The following CDK17 variants were observed in gnomAD, a reference collection of about 807,000 sequenced individuals.
CDK17 encodes cyclin dependent kinase 17.
Under a neutral mutation model 77.6 loss-of-function variants are expected in CDK17, and 24 were observed. The ratio of observed to expected loss-of-function variants is 0.31; its 90% CI spans 0.22 to 0.44. The LOEUF (loss-of-function observed/expected upper bound fraction) is 0.44, where lower values mean the gene tolerates loss of function less well. CDK17 is among the 20% of genes least tolerant of loss of function. CDK17 has a pLI of 1.00. For missense variants in CDK17, 429 were observed against 622.5 expected, an observed-to-expected ratio of 0.69 and a Z score of 3.31; for synonymous variants, 203 against 210.4, an observed-to-expected ratio of 0.96 and a Z score of 0.30.
At chr12:96,365,341 G>A (rs1269315180) in intron 1 of CDK17, among the ~76,000 whole-genome samples, 1 of 152,014 alleles carries the variant, frequency 6.6e-6, no homozygotes, top group Non-Finnish European at 1.5e-5. Flanking sequence ...ATTCTATGAA[G>A]TAAAAAAGAT....
At chr12:96,326,013 T>C (rs1565821165) in intron 2 of CDK17, among the ~76,000 whole-genome samples, 1 of 152,256 alleles carries the variant, frequency 6.6e-6, no homozygotes, top group East Asian at 1.9e-4. Flanking sequence ...GGCAAAGTAA[T>C]ACCCTGTCTC....
intron 1 of CDK17, among the ~76,000 whole-genome samples, chr12:96,373,626 A>G (rs1953729618): frequency 6.7e-6 from 1 of 149,880 alleles, no homozygotes; most frequent in Non-Finnish European, 1.5e-5. Context: ...AAAAGAATTA[A>G]CAATTACCTC....
intron 1 of CDK17, among the ~76,000 whole-genome samples, chr12:96,357,501 AC>A (rs1953415477): frequency 6.6e-6 from 1 of 152,158 alleles, no homozygotes; most frequent in Admixed American, 6.5e-5. Context: ...CAATTATTTT[AC>A]ATCTCAGTTA....
intron 1 of CDK17, among the ~76,000 whole-genome samples, chr12:96,379,630 A>C (rs1036714847): frequency 6.6e-6 from 1 of 151,830 alleles, no homozygotes; most frequent in Non-Finnish European, 1.5e-5. Context: ...GGATCTCACT[A>C]TGTTGCCCAG....
chr12:96,367,216 G>A (rs1173754530), intron 1 of CDK17, among the ~76,000 whole-genome samples: 5 of 151,458 alleles, frequency 3.3e-5, no homozygotes, highest in African/African-American at 4.8e-5. Context: ...GTGGTGGCGC[G>A]TGCCTGTAGT....
intron 14 of CDK17, among the ~76,000 whole-genome samples, chr12:96,282,837 A>C (rs1952194432): frequency 6.6e-6 from 1 of 152,206 alleles, no homozygotes; most frequent in Admixed American, 6.5e-5. Flanking sequence ...CTTAAACAAG[A>C]ATTTACATTG....
At chr12:96,353,524 A>C (rs1307030205) in intron 1 of CDK17, among the ~76,000 whole-genome samples, 1 of 147,986 alleles carries the variant, frequency 6.8e-6, no homozygotes, top group Non-Finnish European at 1.5e-5. Context: ...CACTGCCATT[A>C]TTTTGAAATA....
intron 1 of CDK17, among the ~76,000 whole-genome samples, chr12:96,382,759 C>A (rs1351846836): frequency 6.6e-6 from 1 of 152,054 alleles, no homozygotes; most frequent in Non-Finnish European, 1.5e-5. Flanking sequence ...AAACAAAAAG[C>A]ATATCATCTT....
chr12:96,373,812 T>C (rs1953733162), intron 1 of CDK17, among the ~76,000 whole-genome samples: 1 of 151,088 alleles, frequency 6.6e-6, no homozygotes, highest in African/African-American at 2.4e-5. Flanking sequence ...CCCAGCTACT[T>C]AGGAGGCTGG....
intron 10 of CDK17, among the ~76,000 whole-genome samples, chr12:96,291,006 T>C (rs903549650): frequency 9.2e-5 from 14 of 152,080 alleles, no homozygotes; most frequent in African/African-American, 3.1e-4. Flanking sequence ...AGACTTCTGA[T>C]TTTCACTGAT....
At chr12:96,399,942 G>A (rs1039377051) in intron 1 of CDK17, 44 bp downstream of exon 1, 3 of 340,608 alleles carry the variant, frequency 8.8e-6, no homozygotes, top group African/African-American at 2.1e-5. Flanking sequence ...CGGCCGACCC[G>A]ACACCAGGGG....
intron 1 of CDK17, among the ~76,000 whole-genome samples, chr12:96,351,219 CTGTAA>C (rs1953306904): frequency 6.6e-6 from 1 of 151,944 alleles, no homozygotes; most frequent in Non-Finnish European, 1.5e-5. Context: ...ACTGATGCAA[CTGTAA>C]AATGGTGTAG....
At chr12:96,381,439 C>T (rs1330531210) in intron 1 of CDK17, among the ~76,000 whole-genome samples, 5 of 151,028 alleles carry the variant, frequency 3.3e-5, no homozygotes, top group Admixed American at 1.3e-4. Context: ...ATTTCAATTA[C>T]GGAGGCAACT....
At chr12:96,380,937 T>C (rs1282815010) in intron 1 of CDK17, among the ~76,000 whole-genome samples, 1 of 152,152 alleles carries the variant, frequency 6.6e-6, no homozygotes, top group Non-Finnish European at 1.5e-5. Flanking sequence ...TTATCCTACC[T>C]AGGAAGTGGT....
At chr12:96,280,464 G>GT in intron 16 of CDK17, 185 bp from the exon 17 acceptor site, 1 of 1,417,186 alleles carries the variant, frequency 7.1e-7, no homozygotes, top group Non-Finnish European at 9.2e-7. Flanking sequence ...ATGCTTCGAA[G>GT]TGATGAACCT....
chr12:96,316,389 G>C (rs189657040), intron 3 of CDK17, among the ~76,000 whole-genome samples: 1 of 149,744 alleles, frequency 6.7e-6, no homozygotes. Context: ...AGGGGCGCCC[G>C]CCATTGCCCA....
chr12:96,372,147 T>TA (rs1953705743), intron 1 of CDK17, among the ~76,000 whole-genome samples: 1 of 152,142 alleles, frequency 6.6e-6, no homozygotes, highest in Non-Finnish European at 1.5e-5. Flanking sequence ...CTAACACTAT[T>TA]AAAGCCTTTA....
At chr12:96,323,911 C>A in intron 3 of CDK17, 37 bp downstream of exon 3, 1 of 1,474,324 alleles carries the variant, frequency 6.8e-7, no homozygotes, top group Non-Finnish European at 9.1e-7. Context: ...GACGTATAAT[C>A]AGAAAGGTAA....
At chr12:96,393,533 GA>G (rs1954111167) in intron 1 of CDK17, among the ~76,000 whole-genome samples, 1 of 151,856 alleles carries the variant, frequency 6.6e-6, no homozygotes. Flanking sequence ...AGGAGTTCAA[GA>G]ACAGCTTGGG....
Sources: allele counts gnomAD v4.1 joint callset (sites outside exome capture counted in the v4.1 genomes callset), GRCh38; gene constraint gnomAD v4.1.1; transcripts MANE v1.5; gene names NCBI Gene and HGNC (gene_info 2026-07-23, HGNC 2026-07-21).